The following FANCA variants were observed in gnomAD, a reference collection of about 807,000 sequenced individuals.
The protein encoded by FANCA is FA complementation group A, also known as Fanconi anemia group A protein.
A neutral mutation model predicts 194.3 loss-of-function variants in FANCA; 236 were observed. The observed-to-expected ratio is 1.21, with a 90% CI of 1.09 to 1.35. The LOEUF is 1.35. Ranked by LOEUF, FANCA falls within the 40% of genes most tolerant of loss-of-function variation. FANCA has a pLI of 0.00. For synonymous variants in FANCA, 1,014 were observed against 715.8 expected (o/e 1.42, Z -6.65); for missense variants, 2,628 against 1,813.9 (o/e 1.45, Z -8.15).
At chr16:89,792,640 CT>C in intron 11 of FANCA, 93 bp from the exon 12 acceptor site, 2 of 1,044,724 alleles carry the variant, frequency 1.9e-6, no homozygotes, top group Non-Finnish European at 2.9e-6. Flanking sequence ...CGGTGGGTCT[CT>C]CCCCGTGTGC....
intron 26 of FANCA, among the ~76,000 whole-genome samples, chr16:89,768,067 G>A (rs555885665): frequency 6.6e-6 from 1 of 152,266 alleles, no homozygotes; most frequent in Non-Finnish European, 1.5e-5. Context: ...CACAGCTCAG[G>A]GGATCACTTA....
rs569485286 is a variant in FANCA at position 89,777,142 on chromosome 16, C to A, written c.1827-1327G>T. On this transcript the variant is annotated intron_variant, in intron 20 of 42. Transcript: ENST00000389301. ...GAAGGATTGTTGAAACCCAGGAGGT[C>A]AAGGCTGGCCAGGTGTGGTGGATCG... Among the ~76,000 whole-genome samples the A allele has an allele frequency of 4.0e-5, 6 of 151,392 alleles. No individual in the cohort carries two copies. In the East Asian group the frequency reaches 1.2e-3, roughly 29 times the overall value.
rs2040334889 is a variant in FANCA, at chr16:89,798,750, G to T, written c.893+416C>A. 15 of 1,365,508 alleles carry T rather than the reference G, an allele frequency of 1.1e-5. No individual in the cohort carries two copies. In the South Asian group the frequency reaches 1.5e-4, roughly 14 times the overall value. 84.6% of individuals were successfully genotyped at this position (1,365,508 alleles called of 1,614,324 possible). Reference sequence around the variant, plus strand: ...TCTGAGCAGGATCTGTGGAGGCCAGGCAGCGGGAGTCTGTAGAGGCACAGC... The same window carrying T: ...TCTGAGCAGGATCTGTGGAGGCCAGTCAGCGGGAGTCTGTAGAGGCACAGC... On this transcript the variant is annotated intron_variant, in intron 10 of 42. Coordinates refer to ENST00000389301, the MANE Select transcript of FANCA (RefSeq NM_000135.4).
chr16:89,793,464 A>G (rs1443613801), intron 11 of FANCA, among the ~76,000 whole-genome samples: 1 of 152,154 alleles, frequency 6.6e-6, no homozygotes, highest in Non-Finnish European at 1.5e-5. Context: ...ACTACCAACT[A>G]ATGATTAATG....
chr16:89,792,673 G>A (rs1245106489), intron 11 of FANCA, 126 bp from the exon 12 acceptor site: 2 of 757,932 alleles, frequency 2.6e-6, no homozygotes, highest in Non-Finnish European at 4.6e-6. Flanking sequence ...AGTGTAGAAA[G>A]AAAGATACAA....
Position 89,759,318 on chromosome 16 carries a change from T to TTAAAAAAAAAAAAAA in FANCA, c.2853-614_2853-613insTTTTTTTTTTTTTTA, listed in dbSNP as rs1224981781. ...TTGGGCAACAGAGCGAGACTCCGTC[T>TTAAAAAAAAAAAAAA]AAAAAAAAAAAAAAAAAAAAAAAAA... On this transcript the variant is annotated intron_variant, in intron 29 of 42. Transcript: ENST00000389301. Among the ~76,000 whole-genome samples, 106 of 75,206 alleles carry TTAAAAAAAAAAAAAA rather than the reference T, an allele frequency of 1.4e-3. 29 individuals are homozygous for TTAAAAAAAAAAAAAA. The highest frequency in any genetic ancestry group is 1.8e-3 in the African/African-American group (35 of 19,548). The allele number at this position is 75,206 out of a possible 152,430, so 49.3% of individuals were successfully genotyped here.
At chr16:89,761,726 G>C (rs1448606044) in intron 29 of FANCA, among the ~76,000 whole-genome samples, 1 of 152,176 alleles carries the variant, frequency 6.6e-6, no homozygotes, top group Non-Finnish European at 1.5e-5. Flanking sequence ...CCAGGCTCAA[G>C]CAATGCTCCT....
At chr16:89,794,480 G>A (rs1052221941) in intron 11 of FANCA, among the ~76,000 whole-genome samples, 16 of 152,106 alleles carry the variant, frequency 1.1e-4, no homozygotes, top group African/African-American at 3.6e-4. Context: ...AGGTTGCAGT[G>A]AGCTGAGATC....
At chr16:89,785,047 C>A in intron 14 of FANCA, 83 bp from the exon 15 acceptor site, 1 of 995,820 alleles carries the variant, frequency 1.0e-6, no homozygotes. Flanking sequence ...GAGAGAAGAG[C>A]GTGAAGCCCA....
Position 89,746,878 on chromosome 16 carries a change from A to G in FANCA, c.3361T>C (p.Ser1121Pro), listed in dbSNP as rs977982480. The change falls in exon 34 of 43, where the codon TCC (serine) becomes CCC (proline). Residue 1121 changes from serine (S) to proline (P), a missense_variant. Transcript: ENST00000389301. ...LVNSEMRNFC[S>P]HGGALTQDIT... ...TCCTGTGTCAGGGCACCTCCGTGGG[A>G]GCAGAAGTTTCTCTGCAAAAGAGTT... is the stretch of plus-strand genomic sequence containing the variant. The G allele has an allele frequency of 4.5e-6, 7 of 1,557,384 alleles. No homozygotes were observed. The Admixed American group carries it at 1.2e-4, about 26-fold the overall frequency.
intron 8 of FANCA, 57 bp from the exon 9 acceptor site, chr16:89,799,695 C>A: frequency 2.9e-6 from 4 of 1,367,752 alleles, no homozygotes; most frequent in Non-Finnish European, 4.2e-6. Flanking sequence ...TTGTGTGATA[C>A]CTGCATCACA....
chr16:89,806,929 G>A (rs1356193368), intron 6 of FANCA, among the ~76,000 whole-genome samples: 1 of 152,152 alleles, frequency 6.6e-6, no homozygotes, highest in Non-Finnish European at 1.5e-5. Context: ...TGGGCGGCCG[G>A]GCAGAGGCGC....
chr16:89,748,629 C>T (rs770060349), intron 33 of FANCA, 30 bp downstream of exon 33: 16 of 1,549,414 alleles, frequency 1.0e-5, no homozygotes, highest in African/African-American at 4.1e-5. Flanking sequence ...ACTGACAGAT[C>T]GGACGGACAC....
rs1363946483 is a variant in FANCA, at chr16:89,814,561, TCA to T, written c.240_241del (p.Cys80Ter). On this transcript the variant is annotated stop_gained and frameshift_variant, in exon 3 of 43. Transcript: ENST00000389301. LOFTEE classifies it high-confidence loss of function. ...ATGATTAGCATAGGCCTCAGAACTGTCACAGTCAATCACTTTGCTGAGAGACA... is the reference window on the plus strand; with the variant it reads ...ATGATTAGCATAGGCCTCAGAACTGTCAGTCAATCACTTTGCTGAGAGACA... The T allele has an allele frequency of 3.1e-6, 5 of 1,613,854 alleles. No homozygotes were observed. Among genetic ancestry groups the T allele is most frequent in the Non-Finnish European group, 4.2e-6 (5 of 1,179,866 alleles).
rs185051170 is a variant in FANCA at position 89,749,938 on chromosome 16, C to T, written c.3067-36G>A. On this transcript the variant is annotated intron_variant, in intron 31 of 42. Transcript: ENST00000389301. ...GCAGTATGCTGGCACAGGAAGGCCT[C>T]GGGGCTCACTGCCCAGCCAGTCGGG... The T allele has an allele frequency of 8.1e-6, 13 of 1,611,664 alleles. No homozygotes were observed. In the East Asian group the frequency reaches 1.6e-4, roughly 19 times the overall value.
In FANCA at chr16:89,738,069, T is replaced by G; in HGVS notation, c.*532A>C. The G allele has an allele frequency of 6.2e-7, 1 of 1,614,132 alleles. No homozygotes were observed. On this transcript the variant is annotated 3_prime_UTR_variant, in exon 43 of 43. Transcript: ENST00000389301. ...CTGAGACTGAGCTGGACTTTGCCTGTGACCAGTGTGGCCGGCGGTTTGAGA... is the reference window on the plus strand; with the variant it reads ...CTGAGACTGAGCTGGACTTTGCCTGGGACCAGTGTGGCCGGCGGTTTGAGA...
intron 15 of FANCA, among the ~76,000 whole-genome samples, chr16:89,783,412 G>A (rs907858432): frequency 2.8e-4 from 43 of 151,816 alleles, no homozygotes; most frequent in African/African-American, 6.5e-4. Flanking sequence ...TTAGCCGGGC[G>A]CGGTGGTGGG....
At position 89,737,658 on chromosome 16, in the gene FANCA, C is replaced by T; in HGVS notation, c.*943G>A. 1.4e-6 allele frequency: 2 copies of T among 1,446,978 alleles called. No individual in the cohort carries two copies. Among genetic ancestry groups the T allele is most frequent in the East Asian group, 2.4e-5 (1 of 41,466 alleles). 89.6% of individuals were successfully genotyped at this position (1,446,978 alleles called of 1,614,324 possible). ...AGTTTAAAGATCTTAATAAACGAGG[C>T]CCTCATAGGCCCCTTGCTTGGGCCC... On this transcript the variant is annotated 3_prime_UTR_variant, in exon 43 of 43. Coordinates refer to ENST00000389301, the MANE Select transcript of FANCA (RefSeq NM_000135.4).
At chr16:89,775,334 C>T (rs1416524939) in intron 21 of FANCA, among the ~76,000 whole-genome samples, 1 of 152,216 alleles carries the variant, frequency 6.6e-6, no homozygotes, top group Non-Finnish European at 1.5e-5. Context: ...GACTTCTACT[C>T]CTACCTGCAC....
Sources: allele counts gnomAD v4.1 joint callset (sites outside exome capture counted in the v4.1 genomes callset), GRCh38; gene constraint gnomAD v4.1.1; transcripts MANE v1.5; gene names NCBI Gene and HGNC (gene_info 2026-07-23, HGNC 2026-07-21).